Variants in HOOK2 observed in about 807,000 individuals in gnomAD.
HOOK2 encodes hook microtubule tethering protein 2.
In HOOK2, 108 loss-of-function variants were observed where a neutral mutation model predicts 111.9. The ratio of observed to expected loss-of-function variants is 0.96; its 90% CI spans 0.83 to 1.13. HOOK2 has a LOEUF of 1.13. HOOK2 is among the 50% of genes most tolerant of loss of function. The probability of loss-of-function intolerance (pLI) is 0.00; values close to 1 mark genes in which losing one functional copy is unlikely to be tolerated. For missense variants in HOOK2, 978 were observed against 951.3 expected, an observed-to-expected ratio of 1.03 and a Z score of -0.37; for synonymous variants, 405 against 394.3, an observed-to-expected ratio of 1.03 and a Z score of -0.32.
Position 12,764,707 on chromosome 19 carries a change from G to C in HOOK2, c.1827+107C>G, listed in dbSNP as rs1968096961. 7 of 848,916 alleles carry C rather than the reference G, an allele frequency of 8.2e-6. No individual in the cohort carries two copies. The Admixed American group carries it at 1.2e-4, about 14-fold the overall frequency. The allele number at this position is 848,916 out of a possible 1,614,324, so 52.6% of individuals were successfully genotyped here. A position where few individuals can be genotyped will look rare whatever the true frequency, so the allele number is the denominator to read the frequency against. On this transcript the variant is annotated intron_variant, in intron 20 of 22. Coordinates refer to ENST00000397668, the MANE Select transcript of HOOK2 (RefSeq NM_013312.3). ...TCTGTCTTATGGTGGGGTATGACAG[G>C]TATGAGTTGGGGGCACAGATGTGCA...
At chr19:12,782,447 A>G (rs1458702431), upstream of HOOK2, among the ~76,000 whole-genome samples, 1 of 152,240 alleles carries the variant, frequency 6.6e-6, no homozygotes, top group African/African-American at 2.4e-5. Flanking sequence ...CACAGAGGAC[A>G]GCAGGCTGCG....
rs1214748111 is a variant in HOOK2 at position 12,773,003 on chromosome 19, G to A, written c.246C>T (p.Tyr82=). ...LKMVLRSLVE[Y]SQDVLAHPVS... The stretch of plus-strand genomic sequence containing the variant: ...CTTTACAGTTACTCACATCCTGGGA[G>A]TACTCTACTAGGCTCCGTAAGACCA... The change falls in exon 4 of 23, where the codon TAC becomes TAT. Residue 82 remains tyrosine, a synonymous_variant. Transcript: ENST00000397668. 4 of 1,614,128 alleles carry A rather than the reference G, an allele frequency of 2.5e-6. No homozygotes were observed. The highest frequency in any genetic ancestry group is 3.4e-6 in the Non-Finnish European group (4 of 1,180,028).
At position 12,774,255 on chromosome 19, in the gene HOOK2, A is replaced by ACCACC. The variant is rs755204062; in HGVS notation, c.204+409_204+413dup. 487 of 253,632 alleles carry ACCACC rather than the reference A, an allele frequency of 1.9e-3. 1 individual carries two copies. The highest frequency in any genetic ancestry group is 3.0e-3 in the Middle Eastern group (2 of 666). The allele number at this position is 253,632 out of a possible 1,614,324, so 15.7% of individuals were successfully genotyped here. ...CAAGTAACTGGGATTACAGGTGCAC[A>ACCACC]CCACCCCACCCAGCTAATTTTTGTA... On this transcript the variant is annotated intron_variant, in intron 3 of 22. Coordinates refer to ENST00000397668, the MANE Select transcript of HOOK2 (RefSeq NM_013312.3).
intron 18 of HOOK2, chr19:12,765,473 C>G (rs576129363): frequency 1.6e-6 from 1 of 630,560 alleles, no homozygotes; most frequent in Admixed American, 2.8e-5. Context: ...GCAGGCCAGG[C>G]GCGGTGGCTC....
chr19:12,764,736 A>G, intron 20 of HOOK2, 78 bp downstream of exon 20: 2 of 1,191,884 alleles, frequency 1.7e-6, no homozygotes, highest in East Asian at 4.7e-5. Flanking sequence ...ATGTGCAAGC[A>G]GGAGGTTTGA....
chr19:12,770,809 G>A, intron 10 of HOOK2, 123 bp downstream of exon 10: 1 of 1,206,280 alleles, frequency 8.3e-7, no homozygotes. Flanking sequence ...GGAGTCCAGG[G>A]GGCATATTGG....
intron 14 of HOOK2, among the ~76,000 whole-genome samples, chr19:12,767,025 TGGCCCG>T (rs1386991686): frequency 1.3e-5 from 2 of 152,170 alleles, no homozygotes; most frequent in African/African-American, 4.8e-5. Flanking sequence ...CCACCGTGCC[TGGCCCG>T]GGGTGGGAGA....
Position 12,791,482 on chromosome 19 carries a change from G to C in HOOK2, n.42-17257C>G, listed in dbSNP as rs1968712943. 1 of 360,164 alleles carries C rather than the reference G, an allele frequency of 2.8e-6. No homozygotes were observed. The allele number at this position is 360,164 out of a possible 1,614,324, so 22.3% of individuals were successfully genotyped here. A position where few individuals can be genotyped will look rare whatever the true frequency, so the allele number is the denominator to read the frequency against. ...TAAAGGCGTGTGGCTCAGGCTGAGCGGCTGGGACCTTGAGAGCGGCCAGGC... is the reference window on the plus strand; with the variant it reads ...TAAAGGCGTGTGGCTCAGGCTGAGCCGCTGGGACCTTGAGAGCGGCCAGGC... On this transcript the variant is annotated intron_variant and non_coding_transcript_variant, in intron 3 of 3. Transcript: ENST00000589765. This position sits in a 1 kb window ranked among gnomAD's most constrained non-coding sequence, Gnocchi z 7.0.
chr19:12,773,089 C>T (rs753176530), intron 3 of HOOK2, 45 bp from the exon 4 acceptor site: 1 of 1,583,062 alleles, frequency 6.3e-7, no homozygotes, highest in Non-Finnish European at 8.7e-7. Flanking sequence ...AGGCCTCCCA[C>T]TCTGAATCTG....
At chr19:12,782,614 G>A (rs994092808), upstream of HOOK2, among the ~76,000 whole-genome samples, 4 of 152,166 alleles carry the variant, frequency 2.6e-5, no homozygotes, top group African/African-American at 9.6e-5. Flanking sequence ...GTGCAAGCGC[G>A]GGGGGTGGAA....
intron 3 of HOOK2, among the ~76,000 whole-genome samples, chr19:12,789,570 A>AGAAGG (rs1047685410): frequency 2.0e-5 from 3 of 152,146 alleles, no homozygotes; most frequent in South Asian, 4.1e-4. Flanking sequence ...ATCTCCTGGC[A>AGAAGG]GAAGGGAAGG....
chr19:12,780,650 C>G (rs956531405), upstream of HOOK2, among the ~76,000 whole-genome samples: 1 of 132,742 alleles, frequency 7.5e-6, no homozygotes, highest in Non-Finnish European at 1.6e-5. Flanking sequence ...CCACCGCGCC[C>G]GGCCTTTTTT....
chr19:12,766,179 G>A lies in HOOK2; in HGVS notation c.1435C>T (p.Arg479Trp), dbSNP rs758435670. The A allele has an allele frequency of 6.3e-7, 1 of 1,597,750 alleles. No homozygotes were observed. The highest frequency in any genetic ancestry group is 8.5e-7 in the Non-Finnish European group (1 of 1,178,382). ...CGCTGCAGCTCCTCCTGCCGCTCCC[G>A]GTCGGCCGCCTCCTGCCTGCACAGC... is the stretch of plus-strand genomic sequence containing the variant. ...KRLCRQEAAD[R>W]ERQEELQRHL... Residue 479 changes from arginine to tryptophan, a missense_variant, in exon 15 of 23, where the codon CGG (arginine) becomes TGG (tryptophan). Around this residue, in one of 5 missense-constraint regions of HOOK2, gnomAD observed 388 missense variants for 358.3 expected, o/e 1.08. Transcript: ENST00000397668.
In HOOK2 at chr19:12,771,197, C is replaced by T. The variant is rs781778110; in HGVS notation, c.723G>A (p.Leu241=). ...PGLTAKKLLL[L]QSQLEQLQEE... ...CCTGCAACTGCTCCAGCTGGGATTGCAGCAGCAGCAGCTTCTTGGCAGTGA... is the reference window on the plus strand; with the variant it reads ...CCTGCAACTGCTCCAGCTGGGATTGTAGCAGCAGCAGCTTCTTGGCAGTGA... The change falls in exon 9 of 23, where the codon CTG becomes CTA. Residue 241 remains leucine (L), a synonymous_variant. Transcript: ENST00000397668. 3.7e-6 allele frequency: 6 copies of T among 1,611,740 alleles called. No homozygotes were observed. The East Asian group carries it at 1.3e-4, about 36-fold the overall frequency.
intron 13 of HOOK2, 34 bp from the exon 14 acceptor site, chr19:12,767,498 C>T (rs543303148): frequency 5.1e-6 from 8 of 1,553,962 alleles, no homozygotes; most frequent in African/African-American, 2.7e-5. Flanking sequence ...CAGGTCTCTT[C>T]GCATCCCCTG....
chr19:12,791,796 T>C lies in HOOK2; in HGVS notation n.42-17571A>G. On this transcript the variant is annotated intron_variant and non_coding_transcript_variant, in intron 3 of 3. Coordinates refer to the HOOK2 transcript ENST00000589765. This position sits in a 1 kb window ranked among gnomAD's most constrained non-coding sequence, Gnocchi z 7.0. Reference sequence around the variant, plus strand: ...GATGTGCACTAAAATGGAACAGCCCTTCTACCACGACGACTCATACACAGC... The same window carrying C: ...GATGTGCACTAAAATGGAACAGCCCCTCTACCACGACGACTCATACACAGC... 1 of 1,612,380 alleles carries C rather than the reference T, an allele frequency of 6.2e-7. No homozygotes were observed. Among genetic ancestry groups the C allele is most frequent in the African/African-American group, 1.3e-5 (1 of 74,990 alleles).
chr19:12,791,924 A>G lies in HOOK2; in HGVS notation n.42-17699T>C, dbSNP rs2145806014. On this transcript the variant is annotated intron_variant and non_coding_transcript_variant, in intron 3 of 3. Coordinates refer to the HOOK2 transcript ENST00000589765. The surrounding 1 kb of genome is among the most constrained non-coding windows in gnomAD (Gnocchi z 7.0). ...TGGCCGACCCCTACCGGAGTCTCAA[A>G]GCGCCTGGGGCTCGCGGACCCGGCC... 1 of 1,612,940 alleles carries G rather than the reference A, an allele frequency of 6.2e-7. No homozygotes were observed. Among genetic ancestry groups the G allele is most frequent in the Non-Finnish European group, 8.5e-7 (1 of 1,179,816 alleles).
At chr19:12,766,320 G>C in intron 14 of HOOK2, 80 bp from the exon 15 acceptor site, 2 of 1,440,192 alleles carry the variant, frequency 1.4e-6, no homozygotes, top group Non-Finnish European at 1.8e-6. Context: ...AGTGGAGCTA[G>C]GGGCGGGACA....
chr19:12,768,578 G>A (rs986545820), intron 11 of HOOK2, among the ~76,000 whole-genome samples: 10 of 152,124 alleles, frequency 6.6e-5, no homozygotes, highest in Non-Finnish European at 1.5e-5. Flanking sequence ...GCTAGGCTAG[G>A]CTGTGATGCT....
Sources: allele counts gnomAD v4.1 joint callset (sites outside exome capture counted in the v4.1 genomes callset), GRCh38; gene constraint gnomAD v4.1.1; regional missense constraint gnomAD v4.1.1; non-coding constraint Gnocchi (gnomAD v3.1); transcripts MANE v1.5; gene names NCBI Gene and HGNC (gene_info 2026-07-23, HGNC 2026-07-21).